Variants in ASF1A observed in about 807,000 individuals in gnomAD.
ASF1A encodes histone chaperone ASF1A.
A neutral mutation model predicts 22.0 loss-of-function variants in ASF1A; 5 were observed. The ratio of observed to expected loss-of-function variants is 0.23; its 90% CI spans 0.12 to 0.48. The LOEUF (loss-of-function observed/expected upper bound fraction) is 0.48, where lower values mean the gene tolerates loss of function less well. Ranked by LOEUF, ASF1A falls within the 20% of genes least tolerant of loss-of-function variation. The pLI is 0.99. For synonymous variants in ASF1A, 97 were observed against 86.7 expected (o/e 1.12, Z -0.66); for missense variants, 137 against 240.6 (o/e 0.57, Z 2.85).
At chr6:118,900,622 G>GAGC in intron 1 of ASF1A, 144 bp from the exon 2 acceptor site, 2 of 636,166 alleles carry the variant, frequency 3.1e-6, no homozygotes, top group Non-Finnish European at 5.7e-6. Context: ...ACTTTATAAG[G>GAGC]AGCATTTCAC....
intron 2 of ASF1A, among the ~76,000 whole-genome samples, chr6:118,902,249 T>C (rs1434579202): frequency 6.6e-6 from 1 of 152,188 alleles, no homozygotes; most frequent in African/African-American, 2.4e-5. Flanking sequence ...TGTGTGGCTT[T>C]ACCTCTCTAA....
At chr6:118,902,528 CTTTT>C (rs33980013) in intron 2 of ASF1A, among the ~76,000 whole-genome samples, 1 of 131,518 alleles carries the variant, frequency 7.6e-6, no homozygotes, top group Non-Finnish European at 1.6e-5. Context: ...ACTGATAATA[CTTTT>C]TTTTTTTTTT....
chr6:118,906,296 C>T (rs1442685059), intron 3 of ASF1A, among the ~76,000 whole-genome samples: 1 of 152,138 alleles, frequency 6.6e-6, no homozygotes, highest in Non-Finnish European at 1.5e-5. Context: ...TAGTCTCCAA[C>T]TCCTGACCTC....
At chr6:118,900,480 C>T (rs1779735208) in intron 1 of ASF1A, among the ~76,000 whole-genome samples, 2 of 152,128 alleles carry the variant, frequency 1.3e-5, no homozygotes, top group Admixed American at 1.3e-4. Context: ...TTTATGAATC[C>T]TCAAGACAAG....
At chr6:118,906,117 G>A (rs1780161656) in intron 3 of ASF1A, among the ~76,000 whole-genome samples, 1 of 152,268 alleles carries the variant, frequency 6.6e-6, no homozygotes, top group African/African-American at 2.4e-5. Context: ...CTGTTGCTCA[G>A]GCTGGAGCGC....
rs747469261 is a variant in ASF1A at position 118,909,100 on chromosome 6, T to C, written c.*1486T>C. ...TTAAAACTATATAAAGAAAATCTCA[T>C]TTGTCTAATTGCAATTAAAAGAAAA... On this transcript the variant is annotated 3_prime_UTR_variant, in exon 4 of 4. Transcript: ENST00000229595. The C allele has an allele frequency of 6.6e-6, 1 of 152,190 alleles. No individual in the cohort carries two copies. The highest frequency in any genetic ancestry group is 2.4e-5 in the African/African-American group (1 of 41,466). 9.4% of individuals were successfully genotyped at this position (152,190 alleles called of 1,614,324 possible).
At chr6:118,895,296 G>A (rs949095751) in intron 1 of ASF1A, among the ~76,000 whole-genome samples, 1 of 152,084 alleles carries the variant, frequency 6.6e-6, no homozygotes, top group East Asian at 1.9e-4. Flanking sequence ...CTGGCGCGCA[G>A]GCTCCCCAAC....
At chr6:118,906,820 G>A (rs1780210636) in intron 3 of ASF1A, among the ~76,000 whole-genome samples, 1 of 152,178 alleles carries the variant, frequency 6.6e-6, no homozygotes, top group East Asian at 1.9e-4. Context: ...AAAATTACAT[G>A]ACAATAGAAT....
intron 3 of ASF1A, among the ~76,000 whole-genome samples, chr6:118,907,108 G>C (rs1780235010): frequency 6.6e-6 from 1 of 152,178 alleles, no homozygotes; most frequent in African/African-American, 2.4e-5. Flanking sequence ...CAAAAATGAG[G>C]AGATTCTTTC....
chr6:118,894,671 C>CGGCCGCCGAGGCGCGCGCGGCT, intron 1 of ASF1A, 149 bp downstream of exon 1: 1 of 696,930 alleles, frequency 1.4e-6, no homozygotes, highest in African/African-American at 1.9e-5. Flanking sequence ...TGATGGACGA[C>CGGCCGCCGAGGCGCGCGCGGCT]GGCCGCCGAG....
chr6:118,901,336 T>G (rs552313061), intron 2 of ASF1A, among the ~76,000 whole-genome samples: 25 of 152,350 alleles, frequency 1.6e-4, no homozygotes, highest in Admixed American at 1.5e-3. Flanking sequence ...AAAACAACTT[T>G]ATTTCAGCAT....
In ASF1A at chr6:118,905,777, T is replaced by C. The variant is rs753588407; in HGVS notation, c.351T>C (p.Tyr117=). Reference sequence around the variant, plus strand: ...TTGGCTATTATGTAAATAATGAATATACTGAGACAGAATTAAGGGAAAATC... The same window carrying C: ...TTGGCTATTATGTAAATAATGAATACACTGAGACAGAATTAAGGGAAAATC... ...IRVGYYVNNE[Y]TETELRENPP... The change falls in exon 3 of 4, where the codon TAT becomes TAC. Residue 117 remains tyrosine (Y), a synonymous_variant. Transcript: ENST00000229595. The C allele has an allele frequency of 1.9e-6, 3 of 1,612,580 alleles. No homozygotes were observed. The highest frequency in any genetic ancestry group is 2.5e-6 in the Non-Finnish European group (3 of 1,179,010).
In ASF1A at chr6:118,894,293, C is replaced by T. The variant is rs926907132; in HGVS notation, c.-121C>T. ...AAGAGGAAAAAAGTTTCTCAAGTCG[C>T]CGCTGCACGACGTCTGGCCGGCGCT... is the stretch of plus-strand genomic sequence containing the variant. On this transcript the variant is annotated 5_prime_UTR_variant, in exon 1 of 4. Transcript: ENST00000229595. 8.1e-6 allele frequency: 12 copies of T among 1,482,398 alleles called. No homozygotes were observed. The highest frequency in any genetic ancestry group is 1.1e-5 in the Non-Finnish European group (12 of 1,121,866). 91.8% of individuals were successfully genotyped at this position (1,482,398 alleles called of 1,614,324 possible).
chr6:118,903,143 T>C (rs1192680651), intron 2 of ASF1A, among the ~76,000 whole-genome samples: 1 of 152,176 alleles, frequency 6.6e-6, no homozygotes, highest in Non-Finnish European at 1.5e-5. Flanking sequence ...AGAACCAATT[T>C]ACTGAAGGGA....
intron 1 of ASF1A, among the ~76,000 whole-genome samples, chr6:118,898,626 C>T (rs1779599383): frequency 6.6e-6 from 1 of 152,132 alleles, no homozygotes; most frequent in Admixed American, 6.5e-5. Context: ...CCATGTTTGC[C>T]AGGCTGGTCT....
At chr6:118,900,946 T>G in intron 2 of ASF1A, 65 bp downstream of exon 2, 1 of 1,129,016 alleles carries the variant, frequency 8.9e-7, no homozygotes. Flanking sequence ...TTATCTATTA[T>G]CTTATAACCC....
chr6:118,894,589 C>T (rs925315967), intron 1 of ASF1A, 67 bp downstream of exon 1: 3 of 1,348,328 alleles, frequency 2.2e-6, no homozygotes, highest in Non-Finnish European at 1.0e-6. Context: ...TTTCCCGGGC[C>T]GGGCCTCGCG....
At chr6:118,905,179 G>T (rs545310416) in intron 2 of ASF1A, among the ~76,000 whole-genome samples, 2 of 152,152 alleles carry the variant, frequency 1.3e-5, no homozygotes, top group African/African-American at 4.8e-5. Flanking sequence ...ATACCTGTGG[G>T]GGTGGTTGAG....
At chr6:118,894,663 A>C in intron 1 of ASF1A, 141 bp downstream of exon 1, 1 of 730,046 alleles carries the variant, frequency 1.4e-6, no homozygotes. Flanking sequence ...CTTGAAGTTG[A>C]TGGACGACGG....
Sources: allele counts gnomAD v4.1 joint callset (sites outside exome capture counted in the v4.1 genomes callset), GRCh38; gene constraint gnomAD v4.1.1; transcripts MANE v1.5; gene names NCBI Gene and HGNC (gene_info 2026-07-23, HGNC 2026-07-21).